FGF12: variants seen among roughly 807,000 people sequenced by gnomAD.
The protein encoded by FGF12 is fibroblast growth factor 12, also known as fibroblast growth factor 12B.
FGF12 carries 14 observed loss-of-function variants against 23.6 expected under a neutral mutation model. The observed-to-expected ratio is 0.59, with a 90% CI of 0.39 to 0.93. FGF12 has a LOEUF of 0.93. Ranked by LOEUF, FGF12 falls within the 40% of genes least tolerant of loss-of-function variation. FGF12 has a pLI of 0.00. For missense variants in FGF12, 175 were observed against 217.8 expected, an observed-to-expected ratio of 0.80 and a Z score of 1.24; for synonymous variants, 62 against 77.3, an observed-to-expected ratio of 0.80 and a Z score of 1.04.
chr3:192,441,336 G>A (rs1472622828), intron 2 of FGF12, among the ~76,000 whole-genome samples: 1 of 152,122 alleles, frequency 6.6e-6, no homozygotes. Flanking sequence ...TCTGAGGGAG[G>A]ATTTAGCCAG....
intron 2 of FGF12, among the ~76,000 whole-genome samples, chr3:192,523,885 C>T (rs1332888281): frequency 6.6e-6 from 1 of 152,118 alleles, no homozygotes; most frequent in East Asian, 1.9e-4. Context: ...GGATGCAAAC[C>T]ATGTAAAACC....
At chr3:192,205,801 GGAA>G (rs1409784377) in intron 4 of FGF12, among the ~76,000 whole-genome samples, 1 of 152,152 alleles carries the variant, frequency 6.6e-6, no homozygotes, top group Non-Finnish European at 1.5e-5. Flanking sequence ...TGATAAGCGT[GGAA>G]GAAGATGAGA....
chr3:192,146,338 T>C (rs1463103844), intron 5 of FGF12, among the ~76,000 whole-genome samples: 1 of 151,458 alleles, frequency 6.6e-6, no homozygotes, highest in Non-Finnish European at 1.5e-5. Flanking sequence ...TGGTGCTATC[T>C]AGGCTCACTG....
chr3:192,652,798 C>T (rs939995031), intron 2 of FGF12, among the ~76,000 whole-genome samples: 22 of 152,196 alleles, frequency 1.4e-4, no homozygotes, highest in African/African-American at 2.7e-4. Context: ...TACCAAAAAA[C>T]GTCAGTTCTA....
chr3:192,710,544 A>G (rs1718629065), intron 2 of FGF12, among the ~76,000 whole-genome samples: 1 of 152,250 alleles, frequency 6.6e-6, no homozygotes, highest in Non-Finnish European at 1.5e-5. Context: ...GGAGAAAGCC[A>G]ACAGGCAACT....
At chr3:192,377,543 T>A (rs531486383) in intron 2 of FGF12, among the ~76,000 whole-genome samples, 51 of 152,244 alleles carry the variant, frequency 3.3e-4, no homozygotes, top group Non-Finnish European at 6.0e-4. Context: ...TATTTTAGCG[T>A]CAATGTTTAT....
At chr3:192,242,440 T>C (rs551809175) in intron 4 of FGF12, among the ~76,000 whole-genome samples, 5 of 152,218 alleles carry the variant, frequency 3.3e-5, no homozygotes, top group African/African-American at 9.6e-5. Context: ...ATTGTTCCAA[T>C]TGAGAACCAA....
At chr3:192,618,225 A>T (rs1325194498) in intron 2 of FGF12, among the ~76,000 whole-genome samples, 1 of 151,240 alleles carries the variant, frequency 6.6e-6, no homozygotes, top group Non-Finnish European at 1.5e-5. Flanking sequence ...ACATTCTTTT[A>T]TAAAGAGATA....
At chr3:192,214,865 G>A (rs1718109845) in intron 4 of FGF12, among the ~76,000 whole-genome samples, 1 of 152,180 alleles carries the variant, frequency 6.6e-6, no homozygotes, top group African/African-American at 2.4e-5. Context: ...CTTAAATGTA[G>A]TTACATGAAA....
intron 2 of FGF12, among the ~76,000 whole-genome samples, chr3:192,551,209 G>T (rs1711518772): frequency 6.6e-6 from 1 of 152,142 alleles, no homozygotes; most frequent in African/African-American, 2.4e-5. Flanking sequence ...TTTCTACCCG[G>T]GGTCACTTTC....
Position 192,168,080 on chromosome 3 carries a change from G to T in FGF12, c.427+2378C>A, listed in dbSNP as rs1715330007. On this transcript the variant is annotated intron_variant, in intron 5 of 5. Transcript: ENST00000445105. ...AAGCCTGGCCTAGGTGTATTTTTAAGTGGGGTCATGAGGGTGAAGTTGAAT... is the reference window on the plus strand; with the variant it reads ...AAGCCTGGCCTAGGTGTATTTTTAATTGGGGTCATGAGGGTGAAGTTGAAT... Among the ~76,000 whole-genome samples, 3 of 151,796 alleles carry T rather than the reference G, an allele frequency of 2.0e-5. No homozygotes were observed. The South Asian group carries it at 6.2e-4, about 32-fold the overall frequency.
intron 2 of FGF12, among the ~76,000 whole-genome samples, chr3:192,722,126 C>A (rs1376688851): frequency 6.6e-6 from 1 of 152,132 alleles, no homozygotes; most frequent in Non-Finnish European, 1.5e-5. Context: ...ATTAAATGAA[C>A]TGGACCCCCT....
chr3:192,396,905 TAAC>T (rs1039193289), intron 2 of FGF12, among the ~76,000 whole-genome samples: 8 of 152,126 alleles, frequency 5.3e-5, no homozygotes, highest in Admixed American at 3.9e-4. Flanking sequence ...TCAGTGAAAA[TAAC>T]AAGAGTCAGG....
intron 4 of FGF12, chr3:192,283,123 A>G (rs1409998072): frequency 6.6e-6 from 1 of 152,104 alleles, no homozygotes; most frequent in Non-Finnish European, 1.5e-5. Context: ...AACAGGTATG[A>G]GAAAAATTTT....
chr3:192,286,885 G>A (rs1714476730), intron 4 of FGF12, among the ~76,000 whole-genome samples: 2 of 152,112 alleles, frequency 1.3e-5, no homozygotes, highest in Admixed American at 6.6e-5. Flanking sequence ...CACTTACAAT[G>A]TACAGAAGTG....
intron 4 of FGF12, among the ~76,000 whole-genome samples, chr3:192,252,346 C>T (rs1712072422): frequency 6.7e-6 from 1 of 150,362 alleles, no homozygotes; most frequent in Non-Finnish European, 1.5e-5. Flanking sequence ...GCCTGGAATC[C>T]CAGCTACTGG....
At chr3:192,231,767 C>T (rs992431665) in intron 4 of FGF12, among the ~76,000 whole-genome samples, 6 of 150,468 alleles carry the variant, frequency 4.0e-5, no homozygotes, top group African/African-American at 1.2e-4. Flanking sequence ...AAGACTCTGT[C>T]TCCAAAAAAA....
intron 2 of FGF12, among the ~76,000 whole-genome samples, chr3:192,447,641 A>T (rs1408915628): frequency 6.6e-6 from 1 of 152,180 alleles, no homozygotes; most frequent in Non-Finnish European, 1.5e-5. Context: ...TTTTCTCATC[A>T]CGTAAAATTT....
chr3:192,519,780 ATTTAT>A (rs1217708845), intron 2 of FGF12, among the ~76,000 whole-genome samples: 1 of 152,136 alleles, frequency 6.6e-6, no homozygotes, highest in Non-Finnish European at 1.5e-5. Context: ...GTATTCAGTT[ATTTAT>A]TTATATCAGT....
Sources: allele counts gnomAD v4.1 joint callset (sites outside exome capture counted in the v4.1 genomes callset), GRCh38; gene constraint gnomAD v4.1.1; transcripts MANE v1.5; gene names NCBI Gene and HGNC (gene_info 2026-07-23, HGNC 2026-07-21).